The following KLHL4 variants were observed in gnomAD, a reference collection of about 807,000 sequenced individuals.
KLHL4 encodes the protein kelch like family member 4.
A neutral mutation model predicts 45.8 loss-of-function variants in KLHL4; 17 were observed. The observed-to-expected ratio is 0.37, with a 90% confidence interval of 0.25 to 0.56. The LOEUF (loss-of-function observed/expected upper bound fraction) is 0.56. Among genes scored for constraint, KLHL4 ranks in the 20% least tolerant of loss-of-function variants. KLHL4 has a pLI of 0.79. For synonymous variants in KLHL4, 224 were observed against 189.9 expected, an observed-to-expected ratio of 1.18 and a Z score of -1.47; for missense variants, 544 against 544.9, an observed-to-expected ratio of 1.00 and a Z score of 0.02.
At chrX:87,649,503 G>A (rs1400794230) in intron 9 of KLHL4, among the ~76,000 whole-genome samples, 2 of 111,267 alleles carry the variant, frequency 1.8e-5, no homozygotes, top group South Asian at 3.7e-4. Flanking sequence ...GTCTTCTGAT[G>A]CACAAATATT....
At chrX:87,643,773 C>A (rs758335883) in intron 9 of KLHL4, among the ~76,000 whole-genome samples, 1 of 111,732 alleles carries the variant, frequency 8.9e-6, no homozygotes, top group Non-Finnish European at 1.9e-5. Flanking sequence ...AAATGTGGTA[C>A]AACTCATAAA....
At position 87,668,272 on chromosome X, in the gene KLHL4, GA is replaced by G. The variant is rs1225425017; in HGVS notation, c.*1742del. 2.4e-5 allele frequency: 18 copies of G among 751,340 alleles called. No individual in the cohort carries two copies. The highest frequency in any genetic ancestry group is 2.7e-5 in the Non-Finnish European group (17 of 637,886). The allele number at this position is 751,340 out of a possible 1,213,427, so 61.9% of individuals were successfully genotyped here. A position where few individuals can be genotyped will look rare whatever the true frequency, so the allele number is the denominator to read the frequency against. On this transcript the variant is annotated 3_prime_UTR_variant, in exon 11 of 11. Transcript: ENST00000373119. ...AGTTAAATGTGGGTGTCAACCAGTG[GA>G]AAAGATCAAAGGACCTTTTGCAGCC...
chrX:87,561,891 T>C (rs6614690), intron 1 of KLHL4, among the ~76,000 whole-genome samples: 27,171 of 108,959 alleles, frequency 0.25, 2,938 homozygotes, highest in East Asian at 0.51. Context: ...CTAGATCCAC[T>C]CTGGGCATCA....
chrX:87,533,017 C>G (rs1451867257), intron 1 of KLHL4, among the ~76,000 whole-genome samples: 8 of 105,899 alleles, frequency 7.6e-5, no homozygotes, highest in Non-Finnish European at 1.6e-4. Flanking sequence ...CCATCTCACA[C>G]CAGTTAGAAT....
chrX:87,661,321 CA>C (rs747884464), intron 9 of KLHL4, among the ~76,000 whole-genome samples: 1 of 110,959 alleles, frequency 9.0e-6, no homozygotes, highest in East Asian at 2.8e-4. Context: ...GATTTTATCA[CA>C]AAAAAGTATA....
chrX:87,549,176 G>T (rs765463682), intron 1 of KLHL4, among the ~76,000 whole-genome samples: 4 of 110,542 alleles, frequency 3.6e-5, no homozygotes, highest in African/African-American at 1.3e-4. Flanking sequence ...AAGAAAAAAA[G>T]CCACTACATA....
rs190853094 is a variant in KLHL4 at position 87,597,187 on chromosome X, G to T, written c.423-16690G>T. Among the ~76,000 whole-genome samples, 755 of 111,168 alleles carry T rather than the reference G, an allele frequency of 6.8e-3. 5 individuals carry two copies. Among genetic ancestry groups the T allele is most frequent in the Admixed American group, 0.011 (113 of 10,461 alleles). Reference sequence around the variant, plus strand: ...AATAGAGCTTTTGAGAGGATTAAATGAGTTACTTTATATGGACTGCTTTGT... The same window carrying T: ...AATAGAGCTTTTGAGAGGATTAAATTAGTTACTTTATATGGACTGCTTTGT... On this transcript the variant is annotated intron_variant, in intron 1 of 10. Coordinates refer to ENST00000373119, the MANE Select transcript of KLHL4 (RefSeq NM_019117.5).
At chrX:87,543,133 C>A (rs35947991) in intron 1 of KLHL4, among the ~76,000 whole-genome samples, 2 of 110,571 alleles carry the variant, frequency 1.8e-5, no homozygotes, top group African/African-American at 3.3e-5. Context: ...TGTAAGATTC[C>A]TGAGGCCTCC....
Position 87,669,565 on chromosome X carries a change from C to A in KLHL4, c.*3031C>A. On this transcript the variant is annotated 3_prime_UTR_variant, in exon 11 of 11. Transcript: ENST00000373119. ...CTGGATTTTATTTTAAGTTCTCTAA[C>A]AAGACTCCTACCTTGAGATCTTAGT... 19 of 463,109 alleles carry A rather than the reference C, an allele frequency of 4.1e-5. No individual in the cohort carries two copies. The highest frequency in any genetic ancestry group is 2.0e-4 in the South Asian group (3 of 14,695). 38.2% of individuals were successfully genotyped at this position (463,109 alleles called of 1,213,427 possible).
chrX:87,534,400 C>T (rs1931385740), intron 1 of KLHL4, among the ~76,000 whole-genome samples: 1 of 111,312 alleles, frequency 9.0e-6, no homozygotes, highest in East Asian at 2.8e-4. Flanking sequence ...ACTTTATTAA[C>T]TCCTGACAGC....
At chrX:87,665,013 T>A (rs1303852124) in intron 10 of KLHL4, 78 bp downstream of exon 10, 1 of 617,286 alleles carries the variant, frequency 1.6e-6, no homozygotes, top group Non-Finnish European at 2.4e-6. Context: ...TTGAAATTAG[T>A]TGTATTCTCT....
At chrX:87,585,970 T>C (rs908090724) in intron 1 of KLHL4, among the ~76,000 whole-genome samples, 2 of 111,509 alleles carry the variant, frequency 1.8e-5, no homozygotes, top group Admixed American at 1.9e-4. Flanking sequence ...AGAGCATAAG[T>C]AGCTATACTA....
rs192583829 is a variant in KLHL4, at chrX:87,668,461, G to C, written c.*1927G>C. 135 of 751,537 alleles carry C rather than the reference G, an allele frequency of 1.8e-4. No homozygotes were observed. The highest frequency in any genetic ancestry group is 2.1e-4 in the Non-Finnish European group (134 of 638,152). 61.9% of individuals were successfully genotyped at this position (751,537 alleles called of 1,213,427 possible). A position where few individuals can be genotyped will look rare whatever the true frequency, so the allele number is the denominator to read the frequency against. On this transcript the variant is annotated 3_prime_UTR_variant, in exon 11 of 11. Transcript: ENST00000373119. Reference sequence around the variant, plus strand: ...CATAGAAGAGACATGTATGTTTCCCGGGGCTACCCCTTCATAGCTGCATTT... The same window carrying C: ...CATAGAAGAGACATGTATGTTTCCCCGGGCTACCCCTTCATAGCTGCATTT...
rs56836429 is a variant in KLHL4 at position 87,635,447 on chromosome X, T to G, written c.1713-116T>G. 2,265 of 517,206 alleles carry G rather than the reference T, an allele frequency of 4.4e-3. 33 individuals carry two copies. The African/African-American group carries it at 0.045, about 10-fold the overall frequency. The allele number at this position is 517,206 out of a possible 1,213,427, so 42.6% of individuals were successfully genotyped here. On this transcript the variant is annotated intron_variant, in intron 8 of 10. Transcript: ENST00000373119. Reference sequence around the variant, plus strand: ...AGGAGTAGAATATATAGTCAGACCCTTCAGAAACTTGAAAAGCTTTGTACA... The same window carrying G: ...AGGAGTAGAATATATAGTCAGACCCGTCAGAAACTTGAAAAGCTTTGTACA...
At chrX:87,644,654 A>C (rs1602461385) in intron 9 of KLHL4, among the ~76,000 whole-genome samples, 2 of 112,151 alleles carry the variant, frequency 1.8e-5, no homozygotes, top group African/African-American at 6.5e-5. Flanking sequence ...ATTTCAAACC[A>C]GTCTATAAAG....
Position 87,664,768 on chromosome X carries a change from G to A in KLHL4, c.1930G>A (p.Asp644Asn). 2 of 1,190,206 alleles carry A rather than the reference G, an allele frequency of 1.7e-6. No individual in the cohort carries two copies. Among genetic ancestry groups the A allele is most frequent in the Non-Finnish European group, 2.3e-6 (2 of 882,689 alleles). ...TATCTTTCTAAATCCTTTAAGGTAT[G>A]ATCCAAAAGGTGATTCATGGTCAAC... is the stretch of plus-strand genomic sequence containing the variant. ...SRLSDCVERY[D>N]PKGDSWSTVA... is the part of the protein sequence containing the mutation. Residue 644 changes from aspartate to asparagine, a missense_variant, in exon 10 of 11, where the codon GAT (aspartate) becomes AAT (asparagine). Asp to Asn is a conservative substitution (Grantham distance 23). Transcript: ENST00000373119.
intron 9 of KLHL4, among the ~76,000 whole-genome samples, chrX:87,653,734 G>A (rs1352378953): frequency 9.0e-6 from 1 of 111,313 alleles, no homozygotes; most frequent in Non-Finnish European, 1.9e-5. Flanking sequence ...TAACCCAAAC[G>A]CCCATCAATG....
At position 87,610,935 on chromosome X, in the gene KLHL4, G is replaced by T. The variant is rs770085851; in HGVS notation, c.423-2942G>T. On this transcript the variant is annotated intron_variant, in intron 1 of 10. Coordinates refer to ENST00000373119, the MANE Select transcript of KLHL4 (RefSeq NM_019117.5). ...CTAAAAATACAAAGATTAGCCAGGT[G>T]TGGTGGTGCACGTCCGCAGTCCCAG... Among the ~76,000 whole-genome samples, 3 of 110,550 alleles carry T rather than the reference G, an allele frequency of 2.7e-5. No individual in the cohort carries two copies. In the South Asian group the frequency reaches 1.2e-3, roughly 43 times the overall value.
intron 1 of KLHL4, among the ~76,000 whole-genome samples, chrX:87,609,091 A>C (rs2147810662): frequency 9.0e-6 from 1 of 111,449 alleles, no homozygotes; most frequent in East Asian, 2.8e-4. Flanking sequence ...ACATGAACTT[A>C]TCCTTTTTTA....
Sources: gnomAD v4.1 joint callset for allele counts (sites outside exome capture counted in the v4.1 genomes callset) on GRCh38, gnomAD v4.1.1 for gene constraint, MANE v1.5 for transcripts, NCBI Gene and HGNC (gene_info 2026-07-23, HGNC 2026-07-21) for gene names.